NEO1: variants seen among roughly 807,000 people sequenced by gnomAD.
NEO1 encodes neogenin 1, also known as neogenin.
A neutral mutation model predicts 159.7 loss-of-function variants in NEO1; 63 were observed. The observed-to-expected ratio is 0.39, with a 90% CI of 0.32 to 0.49. The LOEUF (loss-of-function observed/expected upper bound fraction) is 0.49. NEO1 is among the 20% of genes least tolerant of loss of function. The pLI is 0.85. For missense variants in NEO1, 1,615 were observed against 1,831.0 expected (o/e 0.88, Z 2.15); for synonymous variants, 633 against 662.0 (o/e 0.96, Z 0.67).
intron 2 of NEO1, among the ~76,000 whole-genome samples, chr15:73,119,554 C>T (rs1024986349): frequency 6.6e-6 from 1 of 152,182 alleles, no homozygotes; most frequent in Non-Finnish European, 1.5e-5. Flanking sequence ...GTTCTAAATA[C>T]AGACATTGTT....
At position 73,067,012 on chromosome 15, in the gene NEO1, A is replaced by G. The variant is rs2068255803; in HGVS notation, c.130+14207A>G. ...TATTCTCAGCGGGAGAATTGGTCTA[A>G]ACCATCTACTCTATCATTCCTGAAA... On this transcript the variant is annotated intron_variant, in intron 1 of 28. Transcript: ENST00000261908. Among the ~76,000 whole-genome samples the G allele has an allele frequency of 2.0e-5, 3 of 152,322 alleles. No homozygotes were observed. The South Asian group carries it at 6.2e-4, about 32-fold the overall frequency.
At chr15:73,106,747 G>A (rs950719289) in intron 1 of NEO1, among the ~76,000 whole-genome samples, 16 of 152,204 alleles carry the variant, frequency 1.1e-4, no homozygotes, top group Non-Finnish European at 1.6e-4. Flanking sequence ...TTGTAAAATG[G>A]GGATAATAAT....
intron 7 of NEO1, among the ~76,000 whole-genome samples, chr15:73,183,784 C>T (rs1349287311): frequency 4.6e-5 from 7 of 152,150 alleles, no homozygotes; most frequent in African/African-American, 9.7e-5. Flanking sequence ...AACTCTCTGG[C>T]TCCTAAGCAC....
intron 8 of NEO1, among the ~76,000 whole-genome samples, chr15:73,239,887 A>G (rs2039402657): frequency 6.6e-6 from 1 of 152,110 alleles, no homozygotes; most frequent in South Asian, 2.1e-4. Context: ...GTGTATGTAA[A>G]TGCCTAAAGC....
chr15:73,223,135 A>G (rs150690102), intron 7 of NEO1, among the ~76,000 whole-genome samples: 24 of 152,264 alleles, frequency 1.6e-4, no homozygotes, highest in African/African-American at 5.5e-4. Flanking sequence ...TTCCAGTTTT[A>G]TTCCACTGTG....
intron 7 of NEO1, among the ~76,000 whole-genome samples, chr15:73,196,395 T>C (rs952825711): frequency 1.3e-5 from 2 of 152,218 alleles, no homozygotes; most frequent in African/African-American, 2.4e-5. Context: ...CCTACACATA[T>C]TTAAAACTCC....
chr15:73,138,353 T>C (rs2031988852), intron 5 of NEO1, among the ~76,000 whole-genome samples: 1 of 152,192 alleles, frequency 6.6e-6, no homozygotes, highest in African/African-American at 2.4e-5. Context: ...ATAAAAATTA[T>C]CACACAAGAT....
At chr15:73,066,320 CT>C (rs35179965) in intron 1 of NEO1, among the ~76,000 whole-genome samples, 1,890 of 110,232 alleles carry the variant, frequency 0.017, 24 homozygotes, top group African/African-American at 0.04. Context: ...CACCTGGCCT[CT>C]TTTTTTTTTT....
rs993493125 is a variant in NEO1, at chr15:73,178,979, A to C, written c.1291+552A>C. Reference sequence around the variant, plus strand: ...AAATCCACGTTTCTTAGAAAAACTTAGTATTTATTTTGCATTGAAATTTTT... The same window carrying C: ...AAATCCACGTTTCTTAGAAAAACTTCGTATTTATTTTGCATTGAAATTTTT... On this transcript the variant is annotated intron_variant, in intron 7 of 28. Coordinates refer to ENST00000261908, the MANE Select transcript of NEO1 (RefSeq NM_002499.4). Among the ~76,000 whole-genome samples the C allele has an allele frequency of 4.6e-5, 7 of 152,172 alleles. No homozygotes were observed. The South Asian group carries it at 1.4e-3, about 31-fold the overall frequency.
intron 5 of NEO1, among the ~76,000 whole-genome samples, chr15:73,170,902 A>G (rs530596959): frequency 6.6e-6 from 1 of 152,268 alleles, no homozygotes; most frequent in African/African-American, 2.4e-5. Flanking sequence ...CTGATGGGCA[A>G]TGATAACCAA....
At chr15:73,268,310 TA>T (rs1365590525) in intron 16 of NEO1, among the ~76,000 whole-genome samples, 1 of 152,244 alleles carries the variant, frequency 6.6e-6, no homozygotes, top group Non-Finnish European at 1.5e-5. Flanking sequence ...TACTTCCTTT[TA>T]TGTGGCTTAA....
At chr15:73,186,465 T>G (rs1220127565) in intron 7 of NEO1, among the ~76,000 whole-genome samples, 1 of 152,170 alleles carries the variant, frequency 6.6e-6, no homozygotes, top group South Asian at 2.1e-4. Flanking sequence ...ACAAGAAATG[T>G]GAAAGGAGAA....
chr15:73,089,070 T>C (rs1007384698), intron 1 of NEO1, among the ~76,000 whole-genome samples: 1 of 152,156 alleles, frequency 6.6e-6, no homozygotes, highest in Non-Finnish European at 1.5e-5. Context: ...CAAAAGGTCA[T>C]TTTATTTTTA....
chr15:73,254,348 T>C (rs1480054644), intron 12 of NEO1, among the ~76,000 whole-genome samples: 1 of 152,182 alleles, frequency 6.6e-6, no homozygotes, highest in Non-Finnish European at 1.5e-5. Flanking sequence ...TAATAATAGT[T>C]AGTTCCCTAA....
chr15:73,260,811 C>T (rs557079542), intron 15 of NEO1, among the ~76,000 whole-genome samples: 22 of 152,248 alleles, frequency 1.4e-4, no homozygotes, highest in Admixed American at 2.6e-4. Flanking sequence ...TTGGCTAAAA[C>T]GGTATCTGCC....
Position 73,052,506 on chromosome 15 carries a change from C to A in NEO1, c.-170C>A. 4.7e-6 allele frequency: 1 copy of A among 213,258 alleles called. No individual in the cohort carries two copies. The highest frequency in any genetic ancestry group is 1.6e-4 in the South Asian group (1 of 6,066). The allele number at this position is 213,258 out of a possible 1,614,324, so 13.2% of individuals were successfully genotyped here. ...CAGGAGGGAGGCGCCCTGGAGTCTC[C>A]CCTCCAGCGAGAGGGGCTGCGCGGG... On this transcript the variant is annotated 5_prime_UTR_variant, in exon 1 of 29. Transcript: ENST00000261908.
At chr15:73,118,657 G>A (rs1400989476) in intron 2 of NEO1, among the ~76,000 whole-genome samples, 1 of 152,032 alleles carries the variant, frequency 6.6e-6, no homozygotes, top group Non-Finnish European at 1.5e-5. Context: ...TTTTGACCCA[G>A]TATCTAAGCA....
intron 14 of NEO1, among the ~76,000 whole-genome samples, chr15:73,259,998 G>C (rs1018272939): frequency 5.9e-5 from 9 of 151,402 alleles, no homozygotes; most frequent in Admixed American, 5.3e-4. Flanking sequence ...GGCAGAAGAG[G>C]TTCTTGTATC....
rs1333797239 is a variant in NEO1 at position 73,298,472 on chromosome 15, A to G, written c.4026A>G (p.Glu1342=). The change falls in exon 27 of 29, where the codon GAA becomes GAG. Residue 1342 remains glutamate (E), a synonymous_variant. Coordinates refer to ENST00000261908, the MANE Select transcript of NEO1 (RefSeq NM_002499.4). Reference sequence around the variant, plus strand: ...CTTACTTGGCCAGCTCCCAAGAGGAAGATTCAGGCCAGAGTCTTCCCACTG... The same window carrying G: ...CTTACTTGGCCAGCTCCCAAGAGGAGGATTCAGGCCAGAGTCTTCCCACTG... ...SSSYLASSQE[E]DSGQSLPTAH... The G allele has an allele frequency of 6.2e-7, 1 of 1,614,202 alleles. No homozygotes were observed. The highest frequency in any genetic ancestry group is 1.1e-5 in the South Asian group (1 of 91,086).
Sources: gnomAD v4.1 joint callset for allele counts (sites outside exome capture counted in the v4.1 genomes callset) on GRCh38, gnomAD v4.1.1 for gene constraint, MANE v1.5 for transcripts, NCBI Gene and HGNC (gene_info 2026-07-23, HGNC 2026-07-21) for gene names.